The following RECQL5 variants were observed in gnomAD, a reference collection of about 807,000 sequenced individuals.
The protein encoded by RECQL5 is ATP-dependent DNA helicase Q5.
RECQL5 carries 88 observed loss-of-function variants against 103.4 expected under a neutral mutation model. That is an observed-to-expected ratio of 0.85 (90% CI 0.72 to 1.02). RECQL5 has a LOEUF of 1.02. Ranked by LOEUF, RECQL5 falls within the 50% of genes least tolerant of loss-of-function variation. The pLI is 0.00. For missense variants in RECQL5, 1,232 were observed against 1,284.3 expected, an observed-to-expected ratio of 0.96 and a Z score of 0.62; for synonymous variants, 552 against 507.9, an observed-to-expected ratio of 1.09 and a Z score of -1.17.
intron 8 of RECQL5, chr17:75,650,116 CAAG>C: frequency 1.0e-6 from 1 of 986,072 alleles, no homozygotes; most frequent in Non-Finnish European, 1.2e-6. Flanking sequence ...GAGCTCTGCT[CAAG>C]AAGCCTAAGA....
At chr17:75,638,664 G>C (rs986708658) in intron 8 of RECQL5, 1 of 152,304 alleles carries the variant, frequency 6.6e-6, no homozygotes, top group Non-Finnish European at 1.5e-5. Context: ...GGGCATTCTC[G>C]TGTGCCGGGC....
At position 75,627,271 on chromosome 17, in the gene RECQL5, G is replaced by C; in HGVS notation, c.*151C>G. The C allele has an allele frequency of 1.4e-6, 1 of 711,796 alleles. No homozygotes were observed. Among genetic ancestry groups the C allele is most frequent in the Non-Finnish European group, 2.5e-6 (1 of 396,184 alleles). The allele number at this position is 711,796 out of a possible 1,614,324, so 44.1% of individuals were successfully genotyped here. Reference sequence around the variant, plus strand: ...TGGGCTGACCTCTGACCTGGATTCAGGGGGTGTCTGGGGTCATCCCCAAAG... The same window carrying C: ...TGGGCTGACCTCTGACCTGGATTCACGGGGTGTCTGGGGTCATCCCCAAAG... On this transcript the variant is annotated 3_prime_UTR_variant, in exon 20 of 20. Coordinates refer to ENST00000317905, the MANE Select transcript of RECQL5 (RefSeq NM_004259.7).
intron 7 of RECQL5, among the ~76,000 whole-genome samples, chr17:75,651,862 A>G (rs1278304407): frequency 6.6e-6 from 1 of 152,256 alleles, no homozygotes; most frequent in Admixed American, 6.5e-5. Context: ...AACTTAACAA[A>G]TATGAACACA....
At chr17:75,629,974 G>A (rs1445518686) in intron 14 of RECQL5, 132 bp from the exon 15 acceptor site, 1 of 1,272,630 alleles carries the variant, frequency 7.9e-7, no homozygotes, top group Non-Finnish European at 1.1e-6. Flanking sequence ...TGACCACTGG[G>A]CAAGTTTTAG....
intron 8 of RECQL5, chr17:75,647,657 C>T: frequency 8.0e-7 from 1 of 1,248,890 alleles, no homozygotes; most frequent in Non-Finnish European, 1.1e-6. Context: ...CCCTCTGGCT[C>T]AGGGGCCAAG....
In RECQL5 at chr17:75,662,332, C is replaced by T. The variant is rs2059710455; in HGVS notation, c.771+147G>A. On this transcript the variant is annotated intron_variant, in intron 4 of 19. Transcript: ENST00000317905. Reference sequence around the variant, plus strand: ...TGGTAAGGAGGACAATGCCAGGAAACCAAAGAGACAACTCTTTTTGTGCAC... The same window carrying T: ...TGGTAAGGAGGACAATGCCAGGAAATCAAAGAGACAACTCTTTTTGTGCAC... 5 of 917,958 alleles carry T rather than the reference C, an allele frequency of 5.4e-6. No homozygotes were observed. In the South Asian group the frequency reaches 8.2e-5, roughly 15 times the overall value. The allele number at this position is 917,958 out of a possible 1,614,324, so 56.9% of individuals were successfully genotyped here.
At position 75,640,873 on chromosome 17, in the gene RECQL5, C is replaced by G. The variant is rs2059424142; in HGVS notation, c.1230-9205G>C. 5 of 1,546,600 alleles carry G rather than the reference C, an allele frequency of 3.2e-6. No homozygotes were observed. Among genetic ancestry groups the G allele is most frequent in the African/African-American group, 1.4e-5 (1 of 73,060 alleles). ...GCCCTGAGCGGAGAGGCAGGAAGGT[C>G]CAGGTGCAGCCGACACCACCATGAC... On this transcript the variant is annotated intron_variant, in intron 8 of 19. Coordinates refer to ENST00000317905, the MANE Select transcript of RECQL5 (RefSeq NM_004259.7). This position sits in a 1 kb window ranked among gnomAD's most constrained non-coding sequence, Gnocchi z 4.6.
At chr17:75,662,122 T>C (rs2059707962) in intron 4 of RECQL5, among the ~76,000 whole-genome samples, 1 of 152,132 alleles carries the variant, frequency 6.6e-6, no homozygotes. Flanking sequence ...GATTGCGCCA[T>C]TGCACTCCAG....
At chr17:75,662,244 G>T (rs2059709420) in intron 4 of RECQL5, among the ~76,000 whole-genome samples, 1 of 152,190 alleles carries the variant, frequency 6.6e-6, no homozygotes, top group African/African-American at 2.4e-5. Flanking sequence ...GCATGGGTCT[G>T]CAGAGGCATC....
chr17:75,647,659 G>A (rs2059505689), intron 8 of RECQL5: 2 of 1,221,388 alleles, frequency 1.6e-6, no homozygotes, highest in South Asian at 2.9e-5. Context: ...CTCTGGCTCA[G>A]GGGCCAAGCC....
chr17:75,648,851 G>C (rs2059520290), intron 8 of RECQL5: 1 of 150,220 alleles, frequency 6.7e-6, no homozygotes, highest in Non-Finnish European at 1.5e-5. Context: ...TGTGTTTTTT[G>C]GTTTTTTTTT....
At position 75,630,966 on chromosome 17, in the gene RECQL5, G is replaced by T; in HGVS notation, c.1585+8C>A. 2 of 1,613,444 alleles carry T rather than the reference G, an allele frequency of 1.2e-6. No individual in the cohort carries two copies. Among genetic ancestry groups the T allele is most frequent in the Non-Finnish European group, 1.7e-6 (2 of 1,179,764 alleles). On this transcript the variant is annotated splice_region_variant and intron_variant, in intron 11 of 19. Coordinates refer to ENST00000317905, the MANE Select transcript of RECQL5 (RefSeq NM_004259.7). ...CCCACAAGCCTCCAGGAACATTTCT[G>T]TACTGACCTGGGGGTACAAATTCTT...
At chr17:75,648,187 T>C (rs1037445964) in intron 8 of RECQL5, among the ~76,000 whole-genome samples, 5 of 152,136 alleles carry the variant, frequency 3.3e-5, no homozygotes, top group African/African-American at 1.2e-4. Context: ...GCTATTCTCA[T>C]TGACCGGGAT....
rs764775336 is a variant in RECQL5, at chr17:75,640,196, C to T, written c.1230-8528G>A. ...GGCAGGAGCCCCAACAGGAAGCCAG[C>T]GCGGCATGGCTGCCACCGACTTCGT... On this transcript the variant is annotated intron_variant, in intron 8 of 19. Transcript: ENST00000317905. This position sits in a 1 kb window ranked among gnomAD's most constrained non-coding sequence, Gnocchi z 4.6. The T allele has an allele frequency of 4.3e-5, 66 of 1,543,826 alleles. No homozygotes were observed. Among genetic ancestry groups the T allele is most frequent in the Non-Finnish European group, 5.6e-5 (64 of 1,144,226 alleles).
In RECQL5 at chr17:75,631,674, G is replaced by A. The variant is rs751991802; in HGVS notation, c.1230-6C>T. The A allele has an allele frequency of 3.1e-6, 5 of 1,609,936 alleles. No homozygotes were observed. Among genetic ancestry groups the A allele is most frequent in the Non-Finnish European group, 4.2e-6 (5 of 1,179,414 alleles). ...CAATGGCGGCATGGCGGCACCTGGA[G>A]CAGGCAGCACCGCAGAGGTGAGGGG... On this transcript the variant is annotated splice_polypyrimidine_tract_variant and splice_region_variant and intron_variant, in intron 8 of 19. Coordinates refer to ENST00000317905, the MANE Select transcript of RECQL5 (RefSeq NM_004259.7).
chr17:75,663,872 T>C (rs923994055), intron 3 of RECQL5, among the ~76,000 whole-genome samples: 2 of 151,828 alleles, frequency 1.3e-5, no homozygotes, highest in Non-Finnish European at 1.5e-5. Flanking sequence ...CTGACCAATA[T>C]GGTGAAACCC....
In RECQL5 at chr17:75,651,251, GTTTCCTCTCT is replaced by G; in HGVS notation, c.1154_1163del (p.Lys385ThrfsTer16). ...TGATAGTGGCTTTATCAGATGCTTT[GTTTCCTCTCT>G]TTTCCTGGGGACAAAAAATGACCAC... On this transcript the variant is annotated frameshift_variant, in exon 8 of 20. Transcript: ENST00000317905. LOFTEE classifies it high-confidence loss of function. 1 of 1,614,180 alleles carries G rather than the reference GTTTCCTCTCT, an allele frequency of 6.2e-7. No homozygotes were observed. Among genetic ancestry groups the G allele is most frequent in the South Asian group, 1.1e-5 (1 of 91,084 alleles).
Position 75,666,460 on chromosome 17 carries a change from A to G in RECQL5, c.98T>C (p.Leu33Ser), listed in dbSNP as rs138735189. 10 of 1,614,018 alleles carry G rather than the reference A, an allele frequency of 6.2e-6. No individual in the cohort carries two copies. In the African/African-American group the frequency reaches 1.2e-4, roughly 19 times the overall value. Residue 33 changes from leucine to serine, a missense_variant, in exon 2 of 20, where the codon TTA (leucine) becomes TCA (serine). Transcript: ENST00000317905. Reference sequence around the variant, plus strand: ...TACAGCCATGGTCGCACTCTCCTGTAAAGGCGTCTTAAAAGAGTCAAACCC... The same window carrying G: ...TACAGCCATGGTCGCACTCTCCTGTGAAGGCGTCTTAAAAGAGTCAAACCC... Reference protein sequence around the residue: ...VFGFDSFKTPLQESATMAVVK... With the variant: ...VFGFDSFKTPSQESATMAVVK...
rs56158987 is a variant in RECQL5 at position 75,630,842 on chromosome 17, G to GTT, written c.1586-6_1586-5insAA. ...CTTTCAGGGGACAGTTCTCATCTGT[G>GTT]GGGGGGGGGGGTGGTCCTTGGTCCT... is the stretch of plus-strand genomic sequence containing the variant. On this transcript the variant is annotated splice_region_variant and splice_polypyrimidine_tract_variant and intron_variant, in intron 11 of 19. Transcript: ENST00000317905. 2.4e-6 allele frequency: 3 copies of GTT among 1,255,406 alleles called. No individual in the cohort carries two copies. The highest frequency in any genetic ancestry group is 3.2e-5 in the South Asian group (2 of 61,796). 77.8% of individuals were successfully genotyped at this position (1,255,406 alleles called of 1,614,324 possible).
Sources: allele counts gnomAD v4.1 joint callset (sites outside exome capture counted in the v4.1 genomes callset), GRCh38; gene constraint gnomAD v4.1.1; non-coding constraint Gnocchi (gnomAD v3.1); transcripts MANE v1.5; gene names NCBI Gene and HGNC (gene_info 2026-07-23, HGNC 2026-07-21).